The following IGSF11 variants were observed in gnomAD, a reference collection of about 807,000 sequenced individuals.
IGSF11 encodes immunoglobulin superfamily member 11, also known as CXADR like 1.
IGSF11 carries 22 observed loss-of-function variants against 41.0 expected under a neutral mutation model. The observed-to-expected ratio is 0.54, with a 90% CI of 0.38 to 0.77. IGSF11 has a LOEUF of 0.77. Among genes scored for constraint, IGSF11 ranks in the 30% least tolerant of loss-of-function variants. IGSF11 has a pLI of 0.00. For missense variants in IGSF11, 444 were observed against 530.8 expected (o/e 0.84, Z 1.61); for synonymous variants, 219 against 201.3 (o/e 1.09, Z -0.74).
At chr3:119,007,232 T>C (rs1206462939) in intron 1 of IGSF11, among the ~76,000 whole-genome samples, 1 of 145,444 alleles carries the variant, frequency 6.9e-6, no homozygotes, top group Non-Finnish European at 1.5e-5. Context: ...ATTTTCCAGG[T>C]GCGTCCGTCA....
At chr3:119,083,573 AATG>A (rs2076621965) in intron 1 of IGSF11, among the ~76,000 whole-genome samples, 1 of 151,876 alleles carries the variant, frequency 6.6e-6, no homozygotes, top group South Asian at 2.1e-4. Flanking sequence ...TGTACCACAT[AATG>A]ATGTTTCAGA....
chr3:119,137,818 G>C (rs915677789), intron 1 of IGSF11, among the ~76,000 whole-genome samples: 1 of 151,904 alleles, frequency 6.6e-6, no homozygotes, highest in Admixed American at 6.6e-5. Context: ...ATCTGACAAG[G>C]GATTAATAAC....
chr3:118,909,029 T>C (rs62275718), intron 4 of IGSF11, among the ~76,000 whole-genome samples: 13,066 of 152,268 alleles, frequency 0.086, 691 homozygotes, highest in Middle Eastern at 0.12. Flanking sequence ...TAGTATATGG[T>C]AATGTTTCCA....
At chr3:119,011,419 T>G (rs1029620403) in intron 1 of IGSF11, among the ~76,000 whole-genome samples, 1 of 152,152 alleles carries the variant, frequency 6.6e-6, no homozygotes. Context: ...CTGAAGCACA[T>G]GTGCATGGGA....
intron 1 of IGSF11, among the ~76,000 whole-genome samples, chr3:119,011,739 T>A (rs1241232626): frequency 3.3e-5 from 5 of 152,236 alleles, no homozygotes; most frequent in Non-Finnish European, 1.5e-5. Flanking sequence ...TAACAGAGGC[T>A]GCAGCTTGAG....
chr3:119,068,916 CT>C (rs66923529), intron 1 of IGSF11, among the ~76,000 whole-genome samples: 7 of 114,138 alleles, frequency 6.1e-5, no homozygotes, highest in South Asian at 2.8e-4. Context: ...TGGTTATTTT[CT>C]TTTTTTTTTC....
intron 1 of IGSF11, among the ~76,000 whole-genome samples, chr3:118,982,168 G>A (rs555255092): frequency 3.7e-4 from 57 of 152,200 alleles, no homozygotes; most frequent in African/African-American, 1.0e-3. Flanking sequence ...ACTGTCCACC[G>A]GGATAAAGAA....
At chr3:118,968,490 C>CTTTAT (rs1932971532) in intron 1 of IGSF11, among the ~76,000 whole-genome samples, 1 of 152,098 alleles carries the variant, frequency 6.6e-6, no homozygotes, top group Non-Finnish European at 1.5e-5. Flanking sequence ...AAGTCCAGAA[C>CTTTAT]AGGGAAGGAA....
At chr3:118,989,914 T>A (rs1935627714) in intron 1 of IGSF11, among the ~76,000 whole-genome samples, 1 of 152,152 alleles carries the variant, frequency 6.6e-6, no homozygotes, top group African/African-American at 2.4e-5. Context: ...GGGAGATAAC[T>A]TTTTAGCAGC....
At chr3:119,081,168 CCTT>C (rs1337922393) in intron 1 of IGSF11, among the ~76,000 whole-genome samples, 4 of 151,996 alleles carry the variant, frequency 2.6e-5, no homozygotes, top group Non-Finnish European at 4.4e-5. Context: ...TTTACTATCT[CCTT>C]CTTACTTTTC....
chr3:119,076,030 C>T (rs2076489074), intron 1 of IGSF11, among the ~76,000 whole-genome samples: 1 of 152,144 alleles, frequency 6.6e-6, no homozygotes, highest in Admixed American at 6.5e-5. Context: ...GCTACAGTAA[C>T]CAAAACAGCA....
At chr3:119,123,567 G>A (rs1425085133) in intron 1 of IGSF11, among the ~76,000 whole-genome samples, 4 of 152,170 alleles carry the variant, frequency 2.6e-5, no homozygotes, top group Non-Finnish European at 4.4e-5. Flanking sequence ...GTGCTGTATT[G>A]GCTTCAAGTA....
At chr3:119,067,668 C>G (rs571888722) in intron 1 of IGSF11, among the ~76,000 whole-genome samples, 1 of 152,092 alleles carries the variant, frequency 6.6e-6, no homozygotes, top group South Asian at 2.1e-4. Flanking sequence ...TAAAGTGCTT[C>G]AAGTTTCCTC....
chr3:118,920,326 A>G (rs1038052147), intron 4 of IGSF11, among the ~76,000 whole-genome samples: 54 of 150,808 alleles, frequency 3.6e-4, no homozygotes, highest in African/African-American at 1.2e-3. Flanking sequence ...TTTAAATATC[A>G]AAAAATAAAT....
chr3:119,101,457 C>T (rs896494209), intron 1 of IGSF11, among the ~76,000 whole-genome samples: 4 of 151,984 alleles, frequency 2.6e-5, no homozygotes, highest in African/African-American at 4.8e-5. Context: ...TGCAATGAGC[C>T]GAGATCATCC....
chr3:119,078,514 T>C (rs574699369), intron 1 of IGSF11, among the ~76,000 whole-genome samples: 7 of 152,344 alleles, frequency 4.6e-5, no homozygotes, highest in Admixed American at 1.3e-4. Context: ...ATTAGCCATA[T>C]GCAGAAGATT....
chr3:118,933,648 A>T (rs1482025641), intron 1 of IGSF11, among the ~76,000 whole-genome samples: 1 of 152,148 alleles, frequency 6.6e-6, no homozygotes, highest in East Asian at 1.9e-4. Flanking sequence ...TCTGGCTTCA[A>T]ACCCAGGCGG....
chr3:118,998,264 T>C (rs1170330069), intron 1 of IGSF11, among the ~76,000 whole-genome samples: 2 of 152,138 alleles, frequency 1.3e-5, no homozygotes, highest in Non-Finnish European at 2.9e-5. Flanking sequence ...TTTACACTGA[T>C]TTACACTTGG....
Position 118,917,329 on chromosome 3 carries a change from T to C in IGSF11, c.580+8772A>G, listed in dbSNP as rs556430823. 9.0e-4 allele frequency among the ~76,000 whole-genome samples: 136 copies of C among 150,556 alleles called. 1 individual carries two copies. Among genetic ancestry groups the C allele is most frequent in the African/African-American group, 3.3e-3 (133 of 40,522 alleles). On this transcript the variant is annotated intron_variant, in intron 4 of 6. Coordinates refer to ENST00000393775, the MANE Select transcript of IGSF11 (RefSeq NM_001015887.3). Reference sequence around the variant, plus strand: ...TCAATGAATCCAGGAGCTGGTTTTCTGAAAGGATCAACAAAATTGATAGAC... The same window carrying C: ...TCAATGAATCCAGGAGCTGGTTTTCCGAAAGGATCAACAAAATTGATAGAC...
Sources: allele counts gnomAD v4.1 joint callset (sites outside exome capture counted in the v4.1 genomes callset), GRCh38; gene constraint gnomAD v4.1.1; transcripts MANE v1.5; gene names NCBI Gene and HGNC (gene_info 2026-07-23, HGNC 2026-07-21).